Variants in THSD7A observed in about 807,000 individuals in gnomAD.
THSD7A encodes thrombospondin type 1 domain containing 7A.
THSD7A carries 96 observed loss-of-function variants against 231.3 expected under a neutral mutation model. That is an observed-to-expected ratio of 0.41 (90% CI 0.35 to 0.49). The LOEUF (loss-of-function observed/expected upper bound fraction) is 0.49. Among genes scored for constraint, THSD7A ranks in the 20% least tolerant of loss-of-function variants. The probability of loss-of-function intolerance (pLI) is 0.05; values close to 1 mark genes in which losing one functional copy is unlikely to be tolerated. For synonymous variants in THSD7A, 940 were observed against 743.3 expected, an observed-to-expected ratio of 1.26 and a Z score of -4.30; for missense variants, 2,290 against 2,070.2, an observed-to-expected ratio of 1.11 and a Z score of -2.06.
chr7:11,795,662 A>G (rs990407442), intron 1 of THSD7A, among the ~76,000 whole-genome samples: 28 of 152,128 alleles, frequency 1.8e-4, no homozygotes, highest in Non-Finnish European at 2.9e-5. Context: ...AAATTTACAA[A>G]TAAATATACA....
intron 4 of THSD7A, among the ~76,000 whole-genome samples, chr7:11,577,707 G>A (rs574625108): frequency 6.6e-6 from 1 of 151,344 alleles, no homozygotes; most frequent in Non-Finnish European, 1.5e-5. Flanking sequence ...CTCCCTATCT[G>A]GGCATTTTAG....
chr7:11,582,412 T>C (rs1791205120), intron 4 of THSD7A, among the ~76,000 whole-genome samples: 1 of 152,074 alleles, frequency 6.6e-6, no homozygotes. Flanking sequence ...ATACTCTCCT[T>C]ATTGTTTCCT....
intron 24 of THSD7A, among the ~76,000 whole-genome samples, chr7:11,380,244 C>T (rs957909120): frequency 6.6e-6 from 1 of 152,076 alleles, no homozygotes; most frequent in East Asian, 1.9e-4. Context: ...ACAAATGTAT[C>T]TACGAAATCA....
rs1189481466 is a variant in THSD7A at position 11,593,381 on chromosome 7, G to C, written c.1144C>G (p.Pro382Ala). ...CSKTCHDMVS[P>A]AGTRVRTRTI... ...CGTGTCCTTACACGAGTGCCTGCAG[G>C]GGACACCATGTCATGGCATGTTTTT... Residue 382 changes from proline to alanine, a missense_variant, in exon 3 of 28, where the codon CCT (proline) becomes GCT (alanine). Transcript: ENST00000423059. The C allele has an allele frequency of 6.2e-7, 1 of 1,613,872 alleles. No individual in the cohort carries two copies. Among genetic ancestry groups the C allele is most frequent in the East Asian group, 2.2e-5 (1 of 44,890 alleles).
intron 13 of THSD7A, 91 bp downstream of exon 13, chr7:11,445,970 A>G: frequency 2.0e-6 from 3 of 1,482,982 alleles, no homozygotes; most frequent in South Asian, 2.4e-5. Context: ...ATACGTCTGT[A>G]AACCTTCACT....
intron 2 of THSD7A, among the ~76,000 whole-genome samples, chr7:11,625,151 A>ATATGTATATTCATATT (rs1781437809): frequency 6.6e-6 from 1 of 152,102 alleles, no homozygotes; most frequent in Non-Finnish European, 1.5e-5. Flanking sequence ...TAATGGGAAT[A>ATATGTATATTCATATT]TATGTATATT....
At chr7:11,688,138 C>T (rs931020197) in intron 1 of THSD7A, among the ~76,000 whole-genome samples, 100 of 148,888 alleles carry the variant, frequency 6.7e-4, no homozygotes, top group African/African-American at 2.3e-3. Context: ...TCAATTCCCA[C>T]CTATGAGTGA....
At chr7:11,703,605 C>A (rs189575136) in intron 1 of THSD7A, among the ~76,000 whole-genome samples, 1 of 151,250 alleles carries the variant, frequency 6.6e-6, no homozygotes, top group African/African-American at 2.4e-5. Context: ...ATGCCTGGCA[C>A]AATATCTTAA....
chr7:11,644,840 C>T (rs888532793), intron 1 of THSD7A, among the ~76,000 whole-genome samples: 2 of 151,888 alleles, frequency 1.3e-5, no homozygotes, highest in Admixed American at 1.3e-4. Flanking sequence ...CTACCTGACC[C>T]ATAAGCTAAG....
intron 6 of THSD7A, among the ~76,000 whole-genome samples, chr7:11,508,158 C>CT (rs1330544751): frequency 2.0e-5 from 3 of 152,198 alleles, no homozygotes; most frequent in Non-Finnish European, 2.9e-5. Flanking sequence ...CACCAGGTCC[C>CT]TCCCTGGACC....
At chr7:11,767,248 T>G (rs926190607) in intron 1 of THSD7A, among the ~76,000 whole-genome samples, 1 of 152,188 alleles carries the variant, frequency 6.6e-6, no homozygotes, top group African/African-American at 2.4e-5. Context: ...CCCCAAACCT[T>G]GTACCAGAAT....
At chr7:11,434,870 T>C (rs1784584560) in intron 13 of THSD7A, among the ~76,000 whole-genome samples, 1 of 152,038 alleles carries the variant, frequency 6.6e-6, no homozygotes, top group Non-Finnish European at 1.5e-5. Context: ...TTACTATGTA[T>C]ATATATCCAA....
At chr7:11,655,671 C>T (rs1049345185) in intron 1 of THSD7A, among the ~76,000 whole-genome samples, 1 of 151,796 alleles carries the variant, frequency 6.6e-6, no homozygotes, top group Non-Finnish European at 1.5e-5. Context: ...AAATACCTGA[C>T]CACCTCCATA....
chr7:11,576,337 T>C (rs192335736), intron 4 of THSD7A, among the ~76,000 whole-genome samples: 10 of 152,348 alleles, frequency 6.6e-5, no homozygotes, highest in African/African-American at 2.4e-4. Flanking sequence ...TAAACAATGC[T>C]TGATGAATTC....
At position 11,481,817 on chromosome 7, in the gene THSD7A, C is replaced by T. The variant is rs749447777; in HGVS notation, c.1988G>A (p.Arg663Gln). Residue 663 changes from arginine (R) to glutamine (Q), a missense_variant, in exon 7 of 28, where the codon CGA becomes CAA. Physicochemically the swap from Arg to Gln is conservative, Grantham distance 43. Coordinates refer to ENST00000423059, the MANE Select transcript of THSD7A (RefSeq NM_015204.3). ...KTTEGKQIRA[R>Q]SILAYAGEEG... ...TTCACCCGCATAGGCCAGAATGGATCGTGCTCGTATCTGTTTCCCTTCTGT... is the reference window on the plus strand; with the variant it reads ...TTCACCCGCATAGGCCAGAATGGATTGTGCTCGTATCTGTTTCCCTTCTGT... The T allele has an allele frequency of 1.1e-5, 18 of 1,613,408 alleles. No individual in the cohort carries two copies. The highest frequency in any genetic ancestry group is 1.7e-4 in the Middle Eastern group (1 of 6,050).
At chr7:11,824,022 AT>A (rs1205370606) in intron 1 of THSD7A, among the ~76,000 whole-genome samples, 2 of 152,198 alleles carry the variant, frequency 1.3e-5, no homozygotes, top group East Asian at 3.9e-4. Flanking sequence ...AACAGAAACA[AT>A]TCTACTGTGA....
At chr7:11,645,880 A>T (rs1275917504) in intron 1 of THSD7A, among the ~76,000 whole-genome samples, 1 of 151,874 alleles carries the variant, frequency 6.6e-6, no homozygotes, top group Non-Finnish European at 1.5e-5. Flanking sequence ...AACCACTCAA[A>T]TATTTCTGTG....
chr7:11,463,292 C>G (rs1314509437), intron 9 of THSD7A, among the ~76,000 whole-genome samples: 2 of 152,124 alleles, frequency 1.3e-5, no homozygotes, highest in Non-Finnish European at 2.9e-5. Flanking sequence ...GCAACTGACT[C>G]ACTGCCATGT....
At chr7:11,554,248 C>T (rs138702104) in intron 4 of THSD7A, among the ~76,000 whole-genome samples, 1 of 152,044 alleles carries the variant, frequency 6.6e-6, no homozygotes, top group African/African-American at 2.4e-5. Flanking sequence ...TTAAGGTGAG[C>T]CCTAAATCCA....
Sources: gnomAD v4.1 joint callset for allele counts (sites outside exome capture counted in the v4.1 genomes callset) on GRCh38, gnomAD v4.1.1 for gene constraint, MANE v1.5 for transcripts, NCBI Gene and HGNC (gene_info 2026-07-23, HGNC 2026-07-21) for gene names.